Variants in VWA3B observed in about 807,000 individuals in gnomAD.
VWA3B encodes the protein von Willebrand factor A domain-containing protein 3B.
VWA3B carries 138 observed loss-of-function variants against 158.3 expected under a neutral mutation model. That is an observed-to-expected ratio of 0.87 (90% CI 0.76 to 1.00). The LOEUF is 1.00. VWA3B is among the 50% of genes least tolerant of loss of function. VWA3B has a pLI of 0.00. For missense variants in VWA3B, 1,555 were observed against 1,565.1 expected (o/e 0.99, Z 0.11); for synonymous variants, 596 against 587.3 (o/e 1.01, Z -0.21).
intron 7 of VWA3B, among the ~76,000 whole-genome samples, chr2:98,160,968 G>T (rs1573942544): frequency 3.3e-5 from 5 of 152,240 alleles, no homozygotes; most frequent in African/African-American, 1.2e-4. Flanking sequence ...TACCCTTCTT[G>T]ACTATATTTT....
At chr2:98,203,020 A>T (rs1382874620) in intron 12 of VWA3B, among the ~76,000 whole-genome samples, 1 of 151,984 alleles carries the variant, frequency 6.6e-6, no homozygotes, top group Non-Finnish European at 1.5e-5. Flanking sequence ...TTTAGTAGAG[A>T]CGGGGTTTCT....
At chr2:98,253,607 T>G (rs1686937874) in intron 20 of VWA3B, among the ~76,000 whole-genome samples, 1 of 152,138 alleles carries the variant, frequency 6.6e-6, no homozygotes, top group Non-Finnish European at 1.5e-5. Flanking sequence ...TAGCCTGGCT[T>G]GGGGACCATG....
intron 16 of VWA3B, among the ~76,000 whole-genome samples, chr2:98,232,829 A>C (rs574939033): frequency 1.2e-3 from 185 of 152,114 alleles, no homozygotes; most frequent in African/African-American, 4.4e-3. Context: ...GTGCTACCTG[A>C]GGTGGCAGCA....
At chr2:98,188,402 G>C (rs955760211) in intron 10 of VWA3B, among the ~76,000 whole-genome samples, 8 of 151,954 alleles carry the variant, frequency 5.3e-5, no homozygotes, top group Non-Finnish European at 1.2e-4. Flanking sequence ...ATAAATTATA[G>C]CTGACCATAT....
rs572062771 is a variant in VWA3B, at chr2:98,237,109, G to A, written c.2673+379G>A. Among the ~76,000 whole-genome samples, 27 of 152,344 alleles carry A rather than the reference G, an allele frequency of 1.8e-4. No individual in the cohort carries two copies. The East Asian group carries it at 2.9e-3, about 16-fold the overall frequency. ...GAGAATCGCTTGAGCCTGAGACATC[G>A]AGGCTGCAGTGAGCGGTGATTGCGT... On this transcript the variant is annotated intron_variant, in intron 19 of 27. Transcript: ENST00000477737.
chr2:98,127,002 G>C (rs1036686350), intron 5 of VWA3B, among the ~76,000 whole-genome samples: 8 of 146,724 alleles, frequency 5.5e-5, no homozygotes, highest in Admixed American at 2.8e-4. Context: ...TGCATTTAAG[G>C]CCTCGGATAG....
At chr2:98,326,258 ATAT>A in the VWA3B span, among the ~76,000 whole-genome samples, 5 of 152,210 alleles carry the variant, frequency 3.3e-5, no homozygotes, top group Middle Eastern at 3.2e-3. Flanking sequence ...TAATAAAATA[ATAT>A]TATGGACAAA....
At chr2:98,176,120 G>A (rs917584419) in intron 8 of VWA3B, among the ~76,000 whole-genome samples, 9 of 152,136 alleles carry the variant, frequency 5.9e-5, no homozygotes, top group African/African-American at 9.7e-5. Flanking sequence ...ATGCTGAACC[G>A]GCTCACAGGG....
chr2:98,159,787 C>T (rs7609196), intron 7 of VWA3B, among the ~76,000 whole-genome samples: 38,060 of 151,226 alleles, frequency 0.25, 6,157 homozygotes, highest in African/African-American at 0.46. Flanking sequence ...GAGGCTGAGG[C>T]GGGTGGATCA....
Position 98,217,040 on chromosome 2 carries a change from G to A in VWA3B, c.1837-806G>A. On this transcript the variant is annotated intron_variant, in intron 13 of 27. Coordinates refer to ENST00000477737, the MANE Select transcript of VWA3B (RefSeq NM_144992.5). ...CATGCTAAACTGGCATGATGTTCAA[G>A]TGCCCCAGGATGGTGCTGGGGAGCT... 2.5e-6 allele frequency: 3 copies of A among 1,214,662 alleles called. No homozygotes were observed. The South Asian group carries it at 4.1e-5, about 17-fold the overall frequency. 75.2% of individuals were successfully genotyped at this position (1,214,662 alleles called of 1,614,324 possible). A position where few individuals can be genotyped will look rare whatever the true frequency, so the allele number is the denominator to read the frequency against.
chr2:98,093,226 T>G lies in VWA3B; in HGVS notation c.134T>G (p.Leu45Arg), dbSNP rs1682476441. 4.3e-6 allele frequency: 7 copies of G among 1,614,148 alleles called. No homozygotes were observed. Among genetic ancestry groups the G allele is most frequent in the Non-Finnish European group, 5.9e-6 (7 of 1,180,016 alleles). ...SSEKWLQLHG[L>R]KSNKLTLKQI... ...GAGAAATGGCTTCAACTGCATGGGCTTAAGAGCAACAAATTGACCTTGAAA... is the reference window on the plus strand; with the variant it reads ...GAGAAATGGCTTCAACTGCATGGGCGTAAGAGCAACAAATTGACCTTGAAA... Residue 45 changes from leucine to arginine, a missense_variant, in exon 2 of 28, where the codon CTT (leucine) becomes CGT (arginine). Coordinates refer to ENST00000477737, the MANE Select transcript of VWA3B (RefSeq NM_144992.5).
the VWA3B span, among the ~76,000 whole-genome samples, chr2:98,318,940 T>A: frequency 6.6e-6 from 1 of 152,204 alleles, no homozygotes; most frequent in African/African-American, 2.4e-5. Flanking sequence ...GTTGGCCCTG[T>A]GGAACCCATG....
intron 12 of VWA3B, among the ~76,000 whole-genome samples, chr2:98,195,116 G>C (rs1260396154): frequency 6.6e-6 from 1 of 152,128 alleles, no homozygotes; most frequent in East Asian, 1.9e-4. Context: ...AAATATTTGA[G>C]ATATACTACA....
chr2:98,172,967 T>C (rs1334463998), intron 8 of VWA3B, among the ~76,000 whole-genome samples: 1 of 152,228 alleles, frequency 6.6e-6, no homozygotes, highest in Non-Finnish European at 1.5e-5. Context: ...CTTTGACCCC[T>C]AGTTTTTTGG....
At position 98,288,270 on chromosome 2, in the gene VWA3B, A is replaced by AT. The variant is rs763071872; in HGVS notation, c.3046-2234dup. On this transcript the variant is annotated intron_variant, in intron 22 of 27. Transcript: ENST00000477737. ...GTTTAAATTCTCTGAAGGAGATTTA[A>AT]TTTTTTTCCATCAGACTTGGTTAGG... Among the ~76,000 whole-genome samples the AT allele has an allele frequency of 5.9e-5, 9 of 152,224 alleles. No individual in the cohort carries two copies. The East Asian group carries it at 1.5e-3, about 26-fold the overall frequency.
chr2:98,136,608 A>AG (rs1676306512), intron 7 of VWA3B, among the ~76,000 whole-genome samples: 1 of 151,792 alleles, frequency 6.6e-6, no homozygotes, highest in African/African-American at 2.4e-5. Flanking sequence ...GGGCCAAAAA[A>AG]AAAAAAAAGG....
intron 8 of VWA3B, among the ~76,000 whole-genome samples, chr2:98,175,601 C>T (rs1358615938): frequency 6.6e-6 from 1 of 152,136 alleles, no homozygotes; most frequent in African/African-American, 2.4e-5. Flanking sequence ...AACATAACAA[C>T]ATGTGAACAA....
At chr2:98,265,230 T>A (rs1475748436) in intron 21 of VWA3B, among the ~76,000 whole-genome samples, 1 of 149,862 alleles carries the variant, frequency 6.7e-6, no homozygotes, top group Non-Finnish European at 1.5e-5. Flanking sequence ...AGTGCGATGT[T>A]CCCCTTCCTG....
At chr2:98,090,694 A>G (rs777889952) in intron 1 of VWA3B, among the ~76,000 whole-genome samples, 1 of 152,176 alleles carries the variant, frequency 6.6e-6, no homozygotes, top group Admixed American at 6.5e-5. Context: ...GCAACTCAAC[A>G]TATGTGGACA....
Sources: allele counts gnomAD v4.1 joint callset (sites outside exome capture counted in the v4.1 genomes callset), GRCh38; gene constraint gnomAD v4.1.1; transcripts MANE v1.5; gene names NCBI Gene and HGNC (gene_info 2026-07-23, HGNC 2026-07-21).